The following FAIM2 variants were observed in gnomAD, a reference collection of about 807,000 sequenced individuals.
The protein encoded by FAIM2 is Fas apoptotic inhibitory molecule 2, also known as protein lifeguard 2.
In FAIM2, 27 loss-of-function variants were observed where a neutral mutation model predicts 47.4. The ratio of observed to expected loss-of-function variants is 0.57; its 90% CI spans 0.42 to 0.78. FAIM2 has a LOEUF of 0.78. Among genes scored for constraint, FAIM2 ranks in the 30% least tolerant of loss-of-function variants. FAIM2 has a pLI of 0.00. For synonymous variants in FAIM2, 156 were observed against 159.3 expected (o/e 0.98, Z 0.16); for missense variants, 311 against 389.4 (o/e 0.80, Z 1.69).
intron 4 of FAIM2, 59 bp downstream of exon 4, chr12:49,897,460 C>T (rs902487613): frequency 1.1e-5 from 17 of 1,512,534 alleles, no homozygotes; most frequent in South Asian, 3.4e-5. Context: ...ATGGGTTCCC[C>T]GGCTCCAGGC....
Position 49,874,816 on chromosome 12 carries a change from C to T in FAIM2, c.802-4163G>A, listed in dbSNP as rs1946725006. ...CTGTTGTTTACAGCATTGGTTCTAA[C>T]AGTGAGATGCTGAAACAACCCAAAC... On this transcript the variant is annotated intron_variant, in intron 11 of 11. Transcript: ENST00000320634. The surrounding 1 kb of genome is among the most constrained non-coding windows in gnomAD (Gnocchi z 4.2). 6.6e-6 allele frequency among the ~76,000 whole-genome samples: 1 copy of T among 152,204 alleles called. No individual in the cohort carries two copies. The highest frequency in any genetic ancestry group is 6.5e-5 in the Admixed American group (1 of 15,284).
intron 11 of FAIM2, among the ~76,000 whole-genome samples, chr12:49,880,495 T>TGTGTGTGTGTATGA (rs1946809640): frequency 2.2e-5 from 1 of 45,708 alleles, no homozygotes; most frequent in African/African-American, 1.9e-4. Flanking sequence ...TGCATGTGTA[T>TGTGTGTGTGTATGA]GTGTGTGTAT....
chr12:49,888,184 C>T (rs1946874836), intron 10 of FAIM2, among the ~76,000 whole-genome samples: 1 of 152,226 alleles, frequency 6.6e-6, no homozygotes, highest in African/African-American at 2.4e-5. Context: ...CACTCCTCCC[C>T]ATCCTAGACA....
At position 49,867,839 on chromosome 12, in the gene FAIM2, A is replaced by G. The variant is rs932466779; in HGVS notation, c.*2665T>C. 6.6e-6 allele frequency: 1 copy of G among 152,014 alleles called. No individual in the cohort carries two copies. The highest frequency in any genetic ancestry group is 2.4e-5 in the African/African-American group (1 of 41,262). 9.4% of individuals were successfully genotyped at this position (152,014 alleles called of 1,614,324 possible). On this transcript the variant is annotated 3_prime_UTR_variant, in exon 12 of 12. Transcript: ENST00000320634. ...GGATTCCTCACTGCCTGGATTGGAG[A>G]TGGAACGCATAGACTTTGGCCCTGA...
chr12:49,885,303 C>A (rs1204032302), intron 11 of FAIM2, among the ~76,000 whole-genome samples: 1 of 152,178 alleles, frequency 6.6e-6, no homozygotes, highest in Non-Finnish European at 1.5e-5. Context: ...CCCCGGCCGG[C>A]CCCCCATGGG....
intron 11 of FAIM2, among the ~76,000 whole-genome samples, chr12:49,880,319 T>C (rs368788798): frequency 0.013 from 1,924 of 146,426 alleles, 19 homozygotes; most frequent in East Asian, 0.048. Context: ...TGTGTATGTG[T>C]ATGTGTGTCT....
chr12:49,890,588 C>T lies in FAIM2; in HGVS notation c.525+95G>A, dbSNP rs936644713. The T allele has an allele frequency of 2.1e-5, 25 of 1,208,358 alleles. No individual in the cohort carries two copies. In the African/African-American group the frequency reaches 3.6e-4, roughly 17 times the overall value. The allele number at this position is 1,208,358 out of a possible 1,614,324, so 74.9% of individuals were successfully genotyped here. On this transcript the variant is annotated intron_variant, in intron 7 of 11. Transcript: ENST00000320634. ...CGCCAGGGACCTCACATTGGACATC[C>T]CCAGCCCAGTCTTCCTGGTCCTCAA...
chr12:49,879,814 G>T (rs1181350257), intron 11 of FAIM2, among the ~76,000 whole-genome samples: 1 of 151,912 alleles, frequency 6.6e-6, no homozygotes, highest in Non-Finnish European at 1.5e-5. Flanking sequence ...GACTGTGTAT[G>T]TGCATGTGTA....
Position 49,900,214 on chromosome 12 carries a change from G to T in FAIM2, c.211+916C>A, listed in dbSNP as rs762902516. 3.9e-6 allele frequency: 5 copies of T among 1,287,546 alleles called. No homozygotes were observed. The Admixed American group carries it at 9.2e-5, about 24-fold the overall frequency. 79.8% of individuals were successfully genotyped at this position (1,287,546 alleles called of 1,614,324 possible). On this transcript the variant is annotated intron_variant, in intron 2 of 11. Transcript: ENST00000320634. ...GAGTCTTCAGGGGTCTGCGCCCAGG[G>T]GATTTGTAGTGGGAGGTGTAGACCA...
chr12:49,882,568 C>T (rs1321154062), intron 11 of FAIM2, among the ~76,000 whole-genome samples: 2 of 152,170 alleles, frequency 1.3e-5, no homozygotes, highest in Non-Finnish European at 2.9e-5. Flanking sequence ...TTTCTATAAT[C>T]TGCAGGATGA....
At position 49,870,405 on chromosome 12, in the gene FAIM2, G is replaced by A; in HGVS notation, c.*99C>T. The stretch of plus-strand genomic sequence containing the variant: ...CAGTGACCTGGCCACAGGCTGGGTT[G>A]GCAGCTAGTTTTATATCTGGTCTCG... On this transcript the variant is annotated 3_prime_UTR_variant, in exon 12 of 12. Coordinates refer to ENST00000320634, the MANE Select transcript of FAIM2 (RefSeq NM_012306.4). The A allele has an allele frequency of 8.7e-7, 1 of 1,143,584 alleles. No individual in the cohort carries two copies. Among genetic ancestry groups the A allele is most frequent in the East Asian group, 2.4e-5 (1 of 42,440 alleles). The allele number at this position is 1,143,584 out of a possible 1,614,324, so 70.8% of individuals were successfully genotyped here. A position where few individuals can be genotyped will look rare whatever the true frequency, so the allele number is the denominator to read the frequency against.
At chr12:49,873,352 G>T (rs1000420384) in intron 11 of FAIM2, among the ~76,000 whole-genome samples, 1 of 152,092 alleles carries the variant, frequency 6.6e-6, no homozygotes, top group African/African-American at 2.4e-5. Flanking sequence ...TTGTATTTTT[G>T]AGTATGATTT....
At position 49,901,451 on chromosome 12, in the gene FAIM2, G is replaced by A. The variant is rs1946981888; in HGVS notation, c.16-126C>T. 4.4e-6 allele frequency: 3 copies of A among 679,784 alleles called. No homozygotes were observed. The South Asian group carries it at 6.9e-5, about 16-fold the overall frequency. The allele number at this position is 679,784 out of a possible 1,614,324, so 42.1% of individuals were successfully genotyped here. A position where few individuals can be genotyped will look rare whatever the true frequency, so the allele number is the denominator to read the frequency against. ...CTTCCTTACCTGCACTTGGAAGCCA[G>A]GAATGCAGACAAGAATGTCTCTATT... On this transcript the variant is annotated intron_variant, in intron 1 of 11. Transcript: ENST00000320634.
chr12:49,875,286 C>T (rs980189529), intron 11 of FAIM2, among the ~76,000 whole-genome samples: 1 of 152,168 alleles, frequency 6.6e-6, no homozygotes, highest in African/African-American at 2.4e-5. Flanking sequence ...GCTAAGGACA[C>T]TGAGGCAGAG....
At position 49,867,924 on chromosome 12, in the gene FAIM2, C is replaced by T. The variant is rs76399796; in HGVS notation, c.*2580G>A. On this transcript the variant is annotated 3_prime_UTR_variant, in exon 12 of 12. Coordinates refer to ENST00000320634, the MANE Select transcript of FAIM2 (RefSeq NM_012306.4). Reference sequence around the variant, plus strand: ...CCTCAGGACCCAGAGTAGGAGGCTGCGGCATCTTCTGCCCGGCTTCCCCAG... The same window carrying T: ...CCTCAGGACCCAGAGTAGGAGGCTGTGGCATCTTCTGCCCGGCTTCCCCAG... 392 of 152,718 alleles carry T rather than the reference C, an allele frequency of 2.6e-3. 1 individual carries two copies. Among genetic ancestry groups the T allele is most frequent in the African/African-American group, 5.8e-3 (243 of 41,548 alleles). The allele number at this position is 152,718 out of a possible 1,614,324, so 9.5% of individuals were successfully genotyped here.
chr12:49,890,051 G>T, intron 8 of FAIM2, 66 bp downstream of exon 8: 1 of 1,510,066 alleles, frequency 6.6e-7, no homozygotes, highest in Non-Finnish European at 9.2e-7. Flanking sequence ...CTCCCCTCGG[G>T]TGTGGCTGGT....
intron 11 of FAIM2, among the ~76,000 whole-genome samples, chr12:49,882,935 T>G (rs138342317): frequency 1.3e-5 from 2 of 151,956 alleles, no homozygotes; most frequent in African/African-American, 4.8e-5. Context: ...AAATACATAG[T>G]GTGTCAGAAT....
intron 5 of FAIM2, among the ~76,000 whole-genome samples, chr12:49,895,859 C>CTTACA (rs1946932958): frequency 2.0e-5 from 3 of 152,212 alleles, no homozygotes; most frequent in South Asian, 4.1e-4. Flanking sequence ...GCTCCTTGGC[C>CTTACA]AGGCAGTCAG....
rs1555158361 is a variant in FAIM2, at chr12:49,879,964, A to ATGTG, written c.801+7418_801+7421dup. Reference sequence around the variant, plus strand: ...TGTATATATGTGCGCTTGTATGTGCATGTGTGTGTATATGTGAGTGTATGT... The same window carrying ATGTG: ...TGTATATATGTGCGCTTGTATGTGCATGTGTGTGTGTGTATATGTGAGTGTATGT... On this transcript the variant is annotated intron_variant, in intron 11 of 11. Coordinates refer to ENST00000320634, the MANE Select transcript of FAIM2 (RefSeq NM_012306.4). 2.6e-3 allele frequency among the ~76,000 whole-genome samples: 115 copies of ATGTG among 44,714 alleles called. 4 individuals carry two copies. In the South Asian group the frequency reaches 0.05, roughly 20 times the overall value. The allele number at this position is 44,714 out of a possible 152,430, so 29.3% of individuals were successfully genotyped here.
Sources: gnomAD v4.1 joint callset for allele counts (sites outside exome capture counted in the v4.1 genomes callset) on GRCh38, gnomAD v4.1.1 for gene constraint, Gnocchi (gnomAD v3.1) non-coding constraint, MANE v1.5 for transcripts, NCBI Gene and HGNC (gene_info 2026-07-23, HGNC 2026-07-21) for gene names.